Variants in DHX8 observed in about 807,000 individuals in gnomAD.
DHX8 encodes the protein DEAH-box helicase 8.
Under a neutral mutation model 140.7 loss-of-function variants are expected in DHX8, and 67 were observed. That is an observed-to-expected ratio of 0.48 (90% CI 0.39 to 0.58). The LOEUF (loss-of-function observed/expected upper bound fraction) is 0.58, where lower values mean the gene tolerates loss of function less well. Among genes scored for constraint, DHX8 ranks in the 20% least tolerant of loss-of-function variants. The pLI is 0.00. For synonymous variants in DHX8, 533 were observed against 553.2 expected (o/e 0.96, Z 0.51); for missense variants, 887 against 1,550.7 (o/e 0.57, Z 7.19).
In DHX8 at chr17:43,492,292, G is replaced by T; in HGVS notation, c.503G>T (p.Arg168Leu). The T allele has an allele frequency of 5.0e-6, 8 of 1,612,018 alleles. No homozygotes were observed. Among genetic ancestry groups the T allele is most frequent in the Non-Finnish European group, 6.8e-6 (8 of 1,178,300 alleles). ...GQEKQRDAEH[R>L]DRTKKKKRSR... ...GAGAAGCAAAGAGATGCTGAACACC[G>T]GTTTGTCCTTAGTGTCCTGTCCTTT... The change falls in exon 5 of 23, where the codon CGG becomes CTG. Residue 168 changes from arginine to leucine, a missense_variant and splice_region_variant. Around this residue, in one of 9 missense-constraint regions of DHX8, gnomAD observed 304 missense variants for 306.9 expected, o/e 0.99. Coordinates refer to ENST00000262415, the MANE Select transcript of DHX8 (RefSeq NM_004941.3).
intron 16 of DHX8, among the ~76,000 whole-genome samples, chr17:43,512,285 G>C (rs1567692336): frequency 6.6e-6 from 1 of 151,796 alleles, no homozygotes. Flanking sequence ...TACTCGGGAG[G>C]CTGAGGCAGG....
At chr17:43,529,120 A>AC (rs1412415780), downstream of DHX8, 3 of 1,612,678 alleles carry the variant, frequency 1.9e-6, no homozygotes, top group Non-Finnish European at 2.5e-6. Context: ...TTGTCCCTAG[A>AC]CCCACAGCCC....
chr17:43,525,323 T>G lies in DHX8; in HGVS notation c.*1476T>G. 1 of 984,974 alleles carries G rather than the reference T, an allele frequency of 1.0e-6. No individual in the cohort carries two copies. The highest frequency in any genetic ancestry group is 1.2e-6 in the Non-Finnish European group (1 of 829,510). 61.0% of individuals were successfully genotyped at this position (984,974 alleles called of 1,614,324 possible). On this transcript the variant is annotated 3_prime_UTR_variant, in exon 23 of 23. Transcript: ENST00000262415. Reference sequence around the variant, plus strand: ...ATGCCAGACACTAAGAGAGACTATGTAACATTCCAGGATATAAAGGAATGT... The same window carrying G: ...ATGCCAGACACTAAGAGAGACTATGGAACATTCCAGGATATAAAGGAATGT...
intron 2 of DHX8, chr17:43,532,739 C>T: frequency 1.2e-6 from 2 of 1,614,076 alleles, no homozygotes; most frequent in African/African-American, 1.3e-5. Context: ...GTACCTGTGC[C>T]CATTGACCCC....
intron 8 of DHX8, 37 bp downstream of exon 8, chr17:43,493,923 C>CA: frequency 6.2e-7 from 1 of 1,607,324 alleles, no homozygotes; most frequent in Middle Eastern, 1.7e-4. Flanking sequence ...GATAGTCATT[C>CA]AGCATGTAGC....
chr17:43,499,538 C>T (rs1055255701), intron 10 of DHX8, among the ~76,000 whole-genome samples: 2 of 152,088 alleles, frequency 1.3e-5, no homozygotes, highest in Admixed American at 1.3e-4. Flanking sequence ...ATTCACCAGC[C>T]CTTAAGGAGG....
intron 11 of DHX8, among the ~76,000 whole-genome samples, chr17:43,502,215 G>A (rs1434528763): frequency 6.6e-6 from 1 of 152,162 alleles, no homozygotes; most frequent in East Asian, 1.9e-4. Context: ...TTTGGGAATT[G>A]TGTTAATTTA....
At chr17:43,490,883 A>G (rs1222816154) in intron 3 of DHX8, among the ~76,000 whole-genome samples, 2 of 151,916 alleles carry the variant, frequency 1.3e-5, no homozygotes, top group East Asian at 1.9e-4. Context: ...TTTCAAGGGG[A>G]AAAAAAATTT....
In DHX8 at chr17:43,522,211, A is replaced by G. The variant is rs1207436078; in HGVS notation, c.3428A>G (p.Asn1143Ser). The change falls in exon 22 of 23, where the codon AAC becomes AGC. Residue 1143 changes from asparagine to serine, a missense_variant. Physicochemically the swap from Asn to Ser is conservative, Grantham distance 46. Around this residue, in one of 9 missense-constraint regions of DHX8, gnomAD observed 101 missense variants for 168.2 expected, o/e 0.60. Coordinates refer to ENST00000262415, the MANE Select transcript of DHX8 (RefSeq NM_004941.3). The stretch of plus-strand genomic sequence containing the variant: ...ATCCATCCTTCCAGTGCCCTCTTCA[A>G]CAGACAGCCAGAATGGTAGGTGGAC... ...VYIHPSSALFNRQPEWVVYHE... is the reference protein window; with the variant it reads ...VYIHPSSALFSRQPEWVVYHE... 1 of 1,613,428 alleles carries G rather than the reference A, an allele frequency of 6.2e-7. No individual in the cohort carries two copies. Among genetic ancestry groups the G allele is most frequent in the Non-Finnish European group, 8.5e-7 (1 of 1,179,518 alleles).
intron 22 of DHX8, 39 bp from the exon 23 acceptor site, chr17:43,523,589 A>G (rs1304514722): frequency 3.7e-6 from 6 of 1,610,184 alleles, no homozygotes; most frequent in Non-Finnish European, 5.1e-6. Flanking sequence ...AGTGGGGCCT[A>G]TATCCAGAGG....
intron 5 of DHX8, 119 bp downstream of exon 5, chr17:43,492,411 T>C: frequency 1.4e-6 from 1 of 720,596 alleles, no homozygotes; most frequent in South Asian, 1.7e-5. Flanking sequence ...ATATATCATA[T>C]TGTTGGATCT....
downstream of DHX8, chr17:43,526,067 G>T (rs1970604699): frequency 1.0e-6 from 1 of 985,256 alleles, no homozygotes; most frequent in African/African-American, 1.7e-5. Context: ...AACATAGCTG[G>T]GTTCTGACCT....
At chr17:43,517,875 G>A (rs375241846) in intron 18 of DHX8, 95 of 152,672 alleles carry the variant, frequency 6.2e-4, no homozygotes, top group East Asian at 4.8e-3. Context: ...CGTTTCCCCC[G>A]ACACTGATGC....
rs756704785 is a variant in DHX8, at chr17:43,523,617, T to TC, written c.3444-5dup. On this transcript the variant is annotated splice_polypyrimidine_tract_variant and intron_variant, in intron 22 of 22. Transcript: ENST00000262415. Reference sequence around the variant, plus strand: ...TCCAGAGGCTTGAGTACTATCTCTGTCCCCCCTCAGGGTGGTGTACCATGA... The same window carrying TC: ...TCCAGAGGCTTGAGTACTATCTCTGTCCCCCCCTCAGGGTGGTGTACCATGA... 3 of 1,613,688 alleles carry TC rather than the reference T, an allele frequency of 1.9e-6. No homozygotes were observed. The highest frequency in any genetic ancestry group is 2.2e-5 in the East Asian group (1 of 44,874).
At chr17:43,528,170 T>G (rs533283267), downstream of DHX8, 45 of 252,872 alleles carry the variant, frequency 1.8e-4, no homozygotes, top group Admixed American at 4.2e-4. Flanking sequence ...CAGTATGAAG[T>G]TGGGAAGCGC....
At chr17:43,512,273 G>T (rs1969883818) in intron 16 of DHX8, among the ~76,000 whole-genome samples, 1 of 151,806 alleles carries the variant, frequency 6.6e-6, no homozygotes, top group African/African-American at 2.4e-5. Context: ...TGTAATCTCA[G>T]CTACTCGGGA....
At chr17:43,528,498 A>AG, downstream of DHX8, 1 of 1,522,926 alleles carries the variant, frequency 6.6e-7, no homozygotes, top group South Asian at 1.2e-5. Context: ...CACCTGCGGC[A>AG]GGGGGAACAG....
chr17:43,499,897 C>T, intron 10 of DHX8, 59 bp from the exon 11 acceptor site: 2 of 1,590,588 alleles, frequency 1.3e-6, no homozygotes, highest in Non-Finnish European at 1.7e-6. Context: ...AGGAGCTTAA[C>T]TTCTACATAT....
At chr17:43,506,092 C>T (rs1969479290) in intron 12 of DHX8, among the ~76,000 whole-genome samples, 1 of 151,878 alleles carries the variant, frequency 6.6e-6, no homozygotes, top group Non-Finnish European at 1.5e-5. Flanking sequence ...CAACCTCTAC[C>T]TCCTGGGCTC....
Sources: gnomAD v4.1 joint callset for allele counts (sites outside exome capture counted in the v4.1 genomes callset) on GRCh38, gnomAD v4.1.1 for gene constraint, gnomAD v4.1.1 regional missense constraint, MANE v1.5 for transcripts, NCBI Gene and HGNC (gene_info 2026-07-23, HGNC 2026-07-21) for gene names.